Variants in PTPRK observed in about 807,000 individuals in gnomAD.
PTPRK encodes the protein receptor-type tyrosine-protein phosphatase kappa.
PTPRK carries 75 observed loss-of-function variants against 178.0 expected under a neutral mutation model. The observed-to-expected ratio is 0.42, with a 90% CI of 0.35 to 0.51. The LOEUF (loss-of-function observed/expected upper bound fraction) is 0.51, where lower values mean the gene tolerates loss of function less well. Among genes scored for constraint, PTPRK ranks in the 20% least tolerant of loss-of-function variants. The pLI is 0.02. For synonymous variants in PTPRK, 637 were observed against 620.6 expected, an observed-to-expected ratio of 1.03 and a Z score of -0.39; for missense variants, 1,441 against 1,797.8, an observed-to-expected ratio of 0.80 and a Z score of 3.59.
chr6:128,300,678 G>C (rs1455737200), intron 3 of PTPRK, among the ~76,000 whole-genome samples: 1 of 147,094 alleles, frequency 6.8e-6, no homozygotes, highest in African/African-American at 2.5e-5. Context: ...CACGGACACA[G>C]GAAGGGGAAC....
chr6:128,199,721 A>G (rs1805570157), intron 6 of PTPRK, among the ~76,000 whole-genome samples: 1 of 152,180 alleles, frequency 6.6e-6, no homozygotes, highest in Non-Finnish European at 1.5e-5. Context: ...CTGAGATTTA[A>G]CATTTAAAGC....
At chr6:128,030,722 C>T (rs1016212865) in intron 13 of PTPRK, among the ~76,000 whole-genome samples, 1 of 152,176 alleles carries the variant, frequency 6.6e-6, no homozygotes, top group Non-Finnish European at 1.5e-5. Context: ...AGTTGATTCT[C>T]TGTATAAAGC....
intron 7 of PTPRK, among the ~76,000 whole-genome samples, chr6:128,172,770 T>C (rs1800483606): frequency 6.6e-6 from 1 of 150,850 alleles, no homozygotes; most frequent in African/African-American, 2.5e-5. Context: ...AACATGTACA[T>C]ATGTGTGTAC....
At chr6:128,452,667 T>C (rs1365436963) in intron 1 of PTPRK, among the ~76,000 whole-genome samples, 1 of 152,148 alleles carries the variant, frequency 6.6e-6, no homozygotes. Context: ...CAATACCTTA[T>C]TCTTTCACTG....
intron 2 of PTPRK, among the ~76,000 whole-genome samples, chr6:128,345,609 C>A (rs1249710362): frequency 6.6e-6 from 1 of 152,194 alleles, no homozygotes; most frequent in Non-Finnish European, 1.5e-5. Flanking sequence ...GGTTATGATG[C>A]GAAGCTTAGC....
intron 13 of PTPRK, among the ~76,000 whole-genome samples, chr6:128,051,232 G>T (rs1217864325): frequency 6.6e-6 from 1 of 151,986 alleles, no homozygotes; most frequent in Non-Finnish European, 1.5e-5. Flanking sequence ...TCCATTGGTA[G>T]GTTTCCTCTG....
intron 8 of PTPRK, among the ~76,000 whole-genome samples, chr6:128,085,641 T>C (rs1785650518): frequency 6.6e-6 from 1 of 152,208 alleles, no homozygotes; most frequent in South Asian, 2.1e-4. Flanking sequence ...TGGTTTAAAA[T>C]ATTTGTATAA....
intron 1 of PTPRK, among the ~76,000 whole-genome samples, chr6:128,483,047 T>C (rs1447379971): frequency 6.6e-6 from 1 of 152,160 alleles, no homozygotes; most frequent in Non-Finnish European, 1.5e-5. Context: ...TCTGAATGTC[T>C]CTTAAATATT....
intron 21 of PTPRK, 109 bp downstream of exon 21, chr6:127,990,660 A>C (rs1776503171): frequency 2.9e-6 from 2 of 694,790 alleles, no homozygotes; most frequent in Non-Finnish European, 5.0e-6. Flanking sequence ...TGGAATGAAT[A>C]CATGAATGAA....
At chr6:128,370,203 A>G (rs528632158) in intron 2 of PTPRK, among the ~76,000 whole-genome samples, 1 of 152,242 alleles carries the variant, frequency 6.6e-6, no homozygotes, top group South Asian at 2.1e-4. Context: ...ATATTGTAGT[A>G]CTTGCCTTCC....
At chr6:128,365,988 G>A (rs1835425975) in intron 2 of PTPRK, among the ~76,000 whole-genome samples, 1 of 152,080 alleles carries the variant, frequency 6.6e-6, no homozygotes, top group East Asian at 1.9e-4. Context: ...TGACAACTGA[G>A]CCAGATTTCC....
chr6:128,077,384 C>A (rs1784025520), intron 11 of PTPRK, among the ~76,000 whole-genome samples: 1 of 152,000 alleles, frequency 6.6e-6, no homozygotes, highest in Admixed American at 6.6e-5. Flanking sequence ...TCAGCCAACT[C>A]TTTTTCTCTG....
In PTPRK at chr6:128,184,680, G is replaced by A. The variant is rs1339312771; in HGVS notation, c.914C>T (p.Pro305Leu). ...ATTTAGTTGGATCAGCAAATATGTA[G>A]GCCCAACACCAAGAAGCTGAGGAGG... ...IAPPQLLGVG[P>L]TYLLIQLNAN... is the part of the protein sequence containing the mutation. Residue 305 changes from proline to leucine, a missense_variant, in exon 7 of 30, where the codon CCT becomes CTT. Pro to Leu is a moderately conservative substitution (Grantham distance 98). Around this residue, in one of 4 missense-constraint regions of PTPRK, gnomAD observed 945 missense variants for 1,080.6 expected, o/e 0.87. Transcript: ENST00000368226. The A allele has an allele frequency of 6.2e-7, 1 of 1,613,956 alleles. No individual in the cohort carries two copies. The highest frequency in any genetic ancestry group is 1.1e-5 in the South Asian group (1 of 91,076).
rs764173442 is a variant in PTPRK, at chr6:128,003,158, T to C, written c.2494+1926A>G. On this transcript the variant is annotated intron_variant, in intron 15 of 29. Coordinates refer to ENST00000368226, the MANE Select transcript of PTPRK (RefSeq NM_002844.4). ...GGCAAACCCATGCAAGGAGGTGTGA[T>C]CCATGCAATGAAAAGATGATAAAGA... 60 of 1,568,496 alleles carry C rather than the reference T, an allele frequency of 3.8e-5. No homozygotes were observed. The Admixed American group carries it at 7.5e-4, about 20-fold the overall frequency.
At chr6:128,261,633 T>C (rs7754637) in intron 3 of PTPRK, among the ~76,000 whole-genome samples, 9,539 of 152,218 alleles carry the variant, frequency 0.063, 800 homozygotes, top group African/African-American at 0.19. Context: ...GTCTACATAG[T>C]AGCCACTAAC....
chr6:128,030,745 G>A (rs190699461), intron 13 of PTPRK, among the ~76,000 whole-genome samples: 1 of 152,224 alleles, frequency 6.6e-6, no homozygotes, highest in East Asian at 1.9e-4. Flanking sequence ...GTGCACATCA[G>A]GCTTGCTTTT....
intron 1 of PTPRK, among the ~76,000 whole-genome samples, chr6:128,466,826 G>T (rs553504957): frequency 6.6e-6 from 1 of 152,052 alleles, no homozygotes; most frequent in African/African-American, 2.4e-5. Flanking sequence ...AATTTTAAAT[G>T]AAATGTAAGA....
intron 3 of PTPRK, among the ~76,000 whole-genome samples, chr6:128,299,045 C>T (rs1046565328): frequency 2.0e-5 from 3 of 152,138 alleles, no homozygotes; most frequent in African/African-American, 7.2e-5. Flanking sequence ...AATCAATGTG[C>T]AAAAATCACA....
intron 1 of PTPRK, among the ~76,000 whole-genome samples, chr6:128,480,475 T>C (rs569570426): frequency 4.9e-4 from 74 of 152,134 alleles, no homozygotes; most frequent in Non-Finnish European, 1.0e-3. Flanking sequence ...ACCTCCACCA[T>C]ATCTCCGTGC....
Sources: gnomAD v4.1 joint callset for allele counts (sites outside exome capture counted in the v4.1 genomes callset) on GRCh38, gnomAD v4.1.1 for gene constraint, gnomAD v4.1.1 regional missense constraint, MANE v1.5 for transcripts, NCBI Gene and HGNC (gene_info 2026-07-23, HGNC 2026-07-21) for gene names.